Variants in NEU3 observed in about 807,000 individuals in gnomAD.
NEU3 encodes neuraminidase 3.
In NEU3, 10 loss-of-function variants were observed where a neutral mutation model predicts 11.4. The observed-to-expected ratio is 0.88, with a 90% CI of 0.54 to 1.49. The LOEUF (loss-of-function observed/expected upper bound fraction) is 1.49, where lower values mean the gene tolerates loss of function less well. Among genes scored for constraint, NEU3 ranks in the 40% most tolerant of loss-of-function variants. The pLI is 0.00. For missense variants in NEU3, 529 were observed against 581.8 expected (o/e 0.91, Z 0.93); for synonymous variants, 212 against 228.2 (o/e 0.93, Z 0.64).
At chr11:75,017,211 C>T (rs1020479001) in intron 3 of NEU3, among the ~76,000 whole-genome samples, 3 of 152,194 alleles carry the variant, frequency 2.0e-5, no homozygotes, top group Non-Finnish European at 4.4e-5. Context: ...CCCAGTGCTT[C>T]AGGCATTCCA....
chr11:75,006,217 A>C lies in NEU3; in HGVS notation c.1111A>C (p.Lys371Gln). Residue 371 changes from lysine (K) to glutamine (Q), a missense_variant, in exon 3 of 3, where the codon AAA becomes CAA. By Grantham distance (53) the Lys-to-Gln change is moderately conservative. Transcript: ENST00000294064. ...CTTGTACTCACACCCAACCAGTAGG[A>C]AACAGAGGGTTGACCTAGGTATCTA... ...WLLYSHPTSR[K>Q]QRVDLGIYLN... is the part of the protein sequence containing the mutation. 6.2e-7 allele frequency: 1 copy of C among 1,614,018 alleles called. No individual in the cohort carries two copies. Among genetic ancestry groups the C allele is most frequent in the Non-Finnish European group, 8.5e-7 (1 of 1,179,898 alleles).
intron 3 of NEU3, among the ~76,000 whole-genome samples, chr11:75,017,654 C>T (rs1478803031): frequency 6.6e-6 from 1 of 152,060 alleles, no homozygotes; most frequent in Admixed American, 6.5e-5. Context: ...GATATTGGGG[C>T]CAAAGGCTGG....
intron 1 of NEU3, among the ~76,000 whole-genome samples, chr11:74,993,644 T>C (rs1188853416): frequency 6.6e-6 from 1 of 152,212 alleles, no homozygotes; most frequent in Admixed American, 6.5e-5. Context: ...CTGTTGCTTA[T>C]AACAGAATAC....
At position 75,006,242 on chromosome 11, in the gene NEU3, A is replaced by C. The variant is rs769105197; in HGVS notation, c.1136A>C (p.Tyr379Ser). Residue 379 changes from tyrosine to serine, a missense_variant, in exon 3 of 3, where the codon TAT (tyrosine) becomes TCT (serine). Tyr to Ser is a moderately radical substitution (Grantham distance 144). Coordinates refer to ENST00000294064, the MANE Select transcript of NEU3 (RefSeq NM_006656.6). ...AAACAGAGGGTTGACCTAGGTATCTATCTCAACCAGACCCCCTTGGAGGCT... is the reference window on the plus strand; with the variant it reads ...AAACAGAGGGTTGACCTAGGTATCTCTCTCAACCAGACCCCCTTGGAGGCT... ...SRKQRVDLGI[Y>S]LNQTPLEAAC... 13 of 1,613,872 alleles carry C rather than the reference A, an allele frequency of 8.1e-6. No homozygotes were observed. Among genetic ancestry groups the C allele is most frequent in the Non-Finnish European group, 1.1e-5 (13 of 1,179,892 alleles).
the NEU3 span, among the ~76,000 whole-genome samples, chr11:74,982,621 G>A: frequency 1.3e-5 from 2 of 152,072 alleles, no homozygotes; most frequent in Admixed American, 6.5e-5. Context: ...TTACAGCTCC[G>A]TTCAATATAG....
rs1308956032 is a variant in NEU3 at position 74,988,940 on chromosome 11, A to G, written c.-121A>G. The G allele has an allele frequency of 3.9e-6, 3 of 770,096 alleles. No homozygotes were observed. Among genetic ancestry groups the G allele is most frequent in the Non-Finnish European group, 6.3e-6 (3 of 472,480 alleles). The allele number at this position is 770,096 out of a possible 1,614,324, so 47.7% of individuals were successfully genotyped here. On this transcript the variant is annotated 5_prime_UTR_variant, in exon 1 of 3. Transcript: ENST00000294064. ...CCGTTACCTGTTTCCGGCAGTCGAC[A>G]CGCTCTTCGCTTCTCGGGGCTTGTC...
At chr11:74,980,667 C>G in the NEU3 span, among the ~76,000 whole-genome samples, 1 of 152,230 alleles carries the variant, frequency 6.6e-6, no homozygotes, top group Non-Finnish European at 1.5e-5. Context: ...GTCCCCTTCT[C>G]AGAATAATGT....
intron 3 of NEU3, among the ~76,000 whole-genome samples, chr11:75,018,299 G>C (rs1948989475): frequency 6.6e-6 from 1 of 152,068 alleles, no homozygotes; most frequent in African/African-American, 2.4e-5. Flanking sequence ...GACTCAACTT[G>C]ATTGGATTGA....
chr11:75,013,782 T>G (rs1948969813), downstream of NEU3, among the ~76,000 whole-genome samples: 1 of 152,208 alleles, frequency 6.6e-6, no homozygotes, highest in Non-Finnish European at 1.5e-5. Context: ...AGCAAGCCTG[T>G]TTAGAGTTAG....
At chr11:75,011,158 T>C (rs1165964822), downstream of NEU3, among the ~76,000 whole-genome samples, 1 of 152,190 alleles carries the variant, frequency 6.6e-6, no homozygotes, top group Non-Finnish European at 1.5e-5. Flanking sequence ...CACTAGCTTT[T>C]AAGAGGAGGA....
At chr11:74,994,156 C>T (rs1948761257) in intron 1 of NEU3, among the ~76,000 whole-genome samples, 1 of 152,084 alleles carries the variant, frequency 6.6e-6, no homozygotes, top group Non-Finnish European at 1.5e-5. Context: ...CCCAAATGGC[C>T]TAGAAACTCC....
intron 3 of NEU3, among the ~76,000 whole-genome samples, chr11:75,018,327 T>C (rs1948989552): frequency 1.3e-5 from 2 of 152,106 alleles, no homozygotes; most frequent in African/African-American, 2.4e-5. Flanking sequence ...AAAGTATTGA[T>C]CCTGGGTGTG....
At chr11:74,991,768 C>T (rs1015299130) in intron 1 of NEU3, among the ~76,000 whole-genome samples, 6 of 152,202 alleles carry the variant, frequency 3.9e-5, no homozygotes, top group Non-Finnish European at 5.9e-5. Context: ...TTGTCCTCTG[C>T]GCTTCTCCTT....
At chr11:75,002,293 A>G (rs1314003407) in intron 2 of NEU3, among the ~76,000 whole-genome samples, 2 of 152,214 alleles carry the variant, frequency 1.3e-5, no homozygotes, top group Non-Finnish European at 2.9e-5. Context: ...CCTCAGGCAA[A>G]TGGCTCTGAG....
intron 1 of NEU3, 141 bp downstream of exon 1, chr11:74,989,295 C>A: frequency 1.5e-6 from 1 of 662,136 alleles, no homozygotes; most frequent in South Asian, 1.9e-5. Flanking sequence ...TCTGACCTGG[C>A]CAGAGAATTC....
At chr11:75,011,204 G>A (rs1175536006), downstream of NEU3, among the ~76,000 whole-genome samples, 2 of 152,166 alleles carry the variant, frequency 1.3e-5, no homozygotes, top group Non-Finnish European at 2.9e-5. Flanking sequence ...CAGCAGTGCT[G>A]GTGCTTGCCA....
upstream of NEU3, among the ~76,000 whole-genome samples, chr11:74,984,407 T>A (rs1043822544): frequency 1.3e-5 from 2 of 152,194 alleles, no homozygotes; most frequent in African/African-American, 4.8e-5. Flanking sequence ...CGTCATCATA[T>A]GGGAATTGGG....
chr11:75,014,228 A>G (rs1948971763), downstream of NEU3, among the ~76,000 whole-genome samples: 1 of 152,250 alleles, frequency 6.6e-6, no homozygotes, highest in Non-Finnish European at 1.5e-5. Flanking sequence ...ATAGAATCAG[A>G]AATGAGAACC....
upstream of NEU3, chr11:74,988,881 A>G: frequency 1.7e-6 from 1 of 604,136 alleles, no homozygotes; most frequent in Non-Finnish European, 2.9e-6. Context: ...CCCAACCGCC[A>G]CTGACTACAG....
Sources: gnomAD v4.1 joint callset for allele counts (sites outside exome capture counted in the v4.1 genomes callset) on GRCh38, gnomAD v4.1.1 for gene constraint, MANE v1.5 for transcripts, NCBI Gene and HGNC (gene_info 2026-07-23, HGNC 2026-07-21) for gene names.